SYNJ2: variants seen among roughly 807,000 people sequenced by gnomAD.
SYNJ2 encodes synaptojanin 2, also known as polyphosphatidylinositol phosphatase SYNJ2.
In SYNJ2, 116 loss-of-function variants were observed where a neutral mutation model predicts 141.3. The observed-to-expected ratio is 0.82, with a 90% confidence interval of 0.71 to 0.96. The LOEUF is 0.96. Among genes scored for constraint, SYNJ2 ranks in the 40% least tolerant of loss-of-function variants. The pLI is 0.00. For missense variants in SYNJ2, 1,873 were observed against 1,934.8 expected (o/e 0.97, Z 0.60); for synonymous variants, 745 against 777.7 (o/e 0.96, Z 0.70).
intron 21 of SYNJ2, 103 bp from the exon 22 acceptor site, chr6:158,083,898 G>C (rs1782866413): frequency 7.5e-7 from 1 of 1,339,500 alleles, no homozygotes; most frequent in African/African-American, 1.4e-5. Flanking sequence ...GCAGGGCAGG[G>C]TGCACGTGTC....
intron 4 of SYNJ2, among the ~76,000 whole-genome samples, chr6:158,037,802 G>T (rs1238801785): frequency 6.6e-6 from 1 of 152,236 alleles, no homozygotes; most frequent in Admixed American, 6.5e-5. Context: ...TTTTGGAAGG[G>T]ACACAGCTCA....
chr6:158,071,927 G>A lies in SYNJ2; in HGVS notation c.2133+133G>A. ...TCCTGGAGGGCTCAGCGCTGGGGGA[G>A]GGGGAGAGGGCTATGTCCCTCCATG... On this transcript the variant is annotated intron_variant, in intron 15 of 26. Transcript: ENST00000355585. This position sits in a 1 kb window ranked among gnomAD's most constrained non-coding sequence, Gnocchi z 4.3. 2 of 1,070,626 alleles carry A rather than the reference G, an allele frequency of 1.9e-6. No individual in the cohort carries two copies. Among genetic ancestry groups the A allele is most frequent in the Non-Finnish European group, 2.6e-6 (2 of 763,264 alleles). The allele number at this position is 1,070,626 out of a possible 1,614,324, so 66.3% of individuals were successfully genotyped here.
In SYNJ2 at chr6:158,089,911, G is replaced by A. The variant is rs751036988; in HGVS notation, c.3529G>A (p.Glu1177Lys). 91 of 1,614,162 alleles carry A rather than the reference G, an allele frequency of 5.6e-5. No homozygotes were observed. The South Asian group carries it at 9.7e-4, about 17-fold the overall frequency. ...QIKTTNAQEA[E>K]AAIRCLLEAR... ...CAAAACCACCAATGCCCAGGAGGCA[G>A]AAGCAGCAATCCGGTGTCTCCTGGA... is the stretch of plus-strand genomic sequence containing the variant. The change falls in exon 25 of 27, where the codon GAA becomes AAA. Residue 1177 changes from glutamate to lysine, a missense_variant. Physicochemically the swap from Glu to Lys is moderately conservative, Grantham distance 56. Coordinates refer to ENST00000355585, the MANE Select transcript of SYNJ2 (RefSeq NM_003898.4).
chr6:158,000,845 C>A (rs1777822405), intron 1 of SYNJ2, among the ~76,000 whole-genome samples: 2 of 152,190 alleles, frequency 1.3e-5, no homozygotes, highest in African/African-American at 4.8e-5. Context: ...GGGGTAGACA[C>A]CCTGTCCCTG....
intron 5 of SYNJ2, among the ~76,000 whole-genome samples, chr6:158,050,006 A>ATGGACACAGCTCTGCAGGTG (rs564192427): frequency 2.0e-5 from 3 of 150,858 alleles, no homozygotes; most frequent in African/African-American, 7.3e-5. Flanking sequence ...CTCTGCAGGT[A>ATGGACACAGCTCTGCAGGTG]TGGACACAGC....
chr6:158,021,401 T>A (rs1562330174), intron 2 of SYNJ2, among the ~76,000 whole-genome samples: 2 of 152,218 alleles, frequency 1.3e-5, no homozygotes, highest in South Asian at 4.1e-4. Context: ...GAGGTCCACA[T>A]GGGCCATGCA....
rs940371675 is a variant in SYNJ2, at chr6:158,071,538, T to G, written c.1941-64T>G. On this transcript the variant is annotated intron_variant, in intron 14 of 26. Transcript: ENST00000355585. The surrounding 1 kb of genome is among the most constrained non-coding windows in gnomAD (Gnocchi z 4.3). ...CGAGCTGCTGCTGGGCCCTTCTCTG[T>G]GGCAAAGCAGGGTCACACTTCTCCT... is the stretch of plus-strand genomic sequence containing the variant. The G allele has an allele frequency of 7.1e-6, 11 of 1,554,528 alleles. No homozygotes were observed. Among genetic ancestry groups the G allele is most frequent in the African/African-American group, 4.1e-5 (3 of 73,352 alleles).
chr6:158,062,230 C>A (rs1234729661), intron 8 of SYNJ2, 66 bp downstream of exon 8: 1 of 1,576,904 alleles, frequency 6.3e-7, no homozygotes. Context: ...CGGTGAGGCT[C>A]GCTGCGTGCT....
At position 158,092,133 on chromosome 6, in the gene SYNJ2, A is replaced by C. The variant is rs138474511; in HGVS notation, c.3566-793A>C. 5.3e-5 allele frequency among the ~76,000 whole-genome samples: 8 copies of C among 151,726 alleles called. No homozygotes were observed. In the East Asian group the frequency reaches 1.4e-3, roughly 26 times the overall value. On this transcript the variant is annotated intron_variant, in intron 25 of 26. Transcript: ENST00000355585. ...TGTTAAAAAAAAAAAAACTCTAGAG[A>C]TGTAGATGTTAGTAGAGGTGTGAAA...
Position 158,096,262 on chromosome 6 carries a change from G to A in SYNJ2, c.4389G>A (p.Leu1463=). 6.2e-7 allele frequency: 1 copy of A among 1,614,232 alleles called. No individual in the cohort carries two copies. Among genetic ancestry groups the A allele is most frequent in the Non-Finnish European group, 8.5e-7 (1 of 1,180,046 alleles). ...SAGASAAKAE[L]PPDHEHKTLG... is the part of the protein sequence containing the mutation. ...GCGCTTCAGCTGCCAAGGCAGAGCT[G>A]CCACCAGATCATGAACACAAAACCT... Residue 1463 remains leucine (L), a synonymous_variant, in exon 27 of 27, where the codon CTG becomes CTA. Transcript: ENST00000355585.
chr6:158,017,030 C>T (rs1000992902), intron 1 of SYNJ2, 174 bp from the exon 2 acceptor site: 48 of 1,336,258 alleles, frequency 3.6e-5, no homozygotes, highest in African/African-American at 3.6e-4. Context: ...ATCCTTGCAG[C>T]TCTGTGATTC....
chr6:158,049,028 T>G (rs1780410415), intron 5 of SYNJ2, among the ~76,000 whole-genome samples: 1 of 151,918 alleles, frequency 6.6e-6, no homozygotes. Context: ...GTAGGAGTGG[T>G]GGGGTGCAGG....
intron 1 of SYNJ2, among the ~76,000 whole-genome samples, chr6:157,996,755 G>A (rs1345127381): frequency 6.6e-6 from 1 of 152,122 alleles, no homozygotes; most frequent in Non-Finnish European, 1.5e-5. Flanking sequence ...GTTTAAAAGT[G>A]TGTGGCACCC....
chr6:158,062,303 G>A (rs1781274973), intron 8 of SYNJ2, 139 bp downstream of exon 8: 4 of 1,367,734 alleles, frequency 2.9e-6, no homozygotes, highest in South Asian at 1.7e-5. Context: ...CCCTATGAGG[G>A]GCAGCTTCCT....
At position 158,059,362 on chromosome 6, in the gene SYNJ2, A is replaced by G. The variant is rs1781065450; in HGVS notation, c.954+9A>G. 6.5e-7 allele frequency: 1 copy of G among 1,549,502 alleles called. No individual in the cohort carries two copies. Among genetic ancestry groups the G allele is most frequent in the Non-Finnish European group, 8.7e-7 (1 of 1,146,514 alleles). ...TCAACAGAGCCTTCAAGGTAAGGCC[A>G]GGCTGTCCTCTCCACAGCTGGGCTG... On this transcript the variant is annotated intron_variant, in intron 7 of 26. Transcript: ENST00000355585.
chr6:158,055,848 C>T lies in SYNJ2; in HGVS notation c.857+820C>T, dbSNP rs544053193. Reference sequence around the variant, plus strand: ...CCTGATTAGTGTGTGACATGTAATGCGCTTTTCTTTAAAGAGATATTTAAT... The same window carrying T: ...CCTGATTAGTGTGTGACATGTAATGTGCTTTTCTTTAAAGAGATATTTAAT... On this transcript the variant is annotated intron_variant, in intron 6 of 26. Transcript: ENST00000355585. 5.9e-5 allele frequency among the ~76,000 whole-genome samples: 9 copies of T among 152,258 alleles called. No homozygotes were observed. The South Asian group carries it at 1.2e-3, about 21-fold the overall frequency.
intron 8 of SYNJ2, among the ~76,000 whole-genome samples, chr6:158,062,566 A>G (rs1781290124): frequency 6.6e-6 from 1 of 152,150 alleles, no homozygotes; most frequent in African/African-American, 2.4e-5. Context: ...GATGGCTGGC[A>G]TAGACTTAGA....
rs780830322 is a variant in SYNJ2 at position 158,069,549 on chromosome 6, A to G, written c.1816A>G (p.Met606Val). 7 of 1,613,324 alleles carry G rather than the reference A, an allele frequency of 4.3e-6. No homozygotes were observed. The African/African-American group carries it at 8.0e-5, about 18-fold the overall frequency. ...IVNASTTNKK[M>V]WGEQLQKAIS... ...CTCTTCCAGTACTACCAACAAGAAG[A>G]TGTGGGGTGAACAGCTTCAGAAAGC... Residue 606 changes from methionine to valine, a missense_variant, in exon 14 of 27, where the codon ATG (methionine) becomes GTG (valine). Coordinates refer to ENST00000355585, the MANE Select transcript of SYNJ2 (RefSeq NM_003898.4).
chr6:158,036,875 G>T (rs1479340419), intron 4 of SYNJ2, among the ~76,000 whole-genome samples: 2 of 152,202 alleles, frequency 1.3e-5, no homozygotes, highest in Non-Finnish European at 2.9e-5. Context: ...TCTGCATGGG[G>T]AGAGTCCCTT....
Sources: allele counts gnomAD v4.1 joint callset (sites outside exome capture counted in the v4.1 genomes callset), GRCh38; gene constraint gnomAD v4.1.1; non-coding constraint Gnocchi (gnomAD v3.1); transcripts MANE v1.5; gene names NCBI Gene and HGNC (gene_info 2026-07-23, HGNC 2026-07-21).